The following RABGAP1 variants were observed in gnomAD, a reference collection of about 807,000 sequenced individuals.
RABGAP1 encodes rab GTPase-activating protein 1.
Under a neutral mutation model 137.6 loss-of-function variants are expected in RABGAP1, and 23 were observed. The ratio of observed to expected loss-of-function variants is 0.17; its 90% CI spans 0.12 to 0.24. The LOEUF (loss-of-function observed/expected upper bound fraction) is 0.24, where lower values mean the gene tolerates loss of function less well. RABGAP1 is among the 10% of genes least tolerant of loss of function. The pLI is 1.00. For synonymous variants in RABGAP1, 451 were observed against 450.7 expected, an observed-to-expected ratio of 1.00 and a Z score of -0.01; for missense variants, 906 against 1,275.8, an observed-to-expected ratio of 0.71 and a Z score of 4.42.
chr9:122,947,937 G>T (rs965046526), intron 1 of RABGAP1, among the ~76,000 whole-genome samples: 2 of 152,076 alleles, frequency 1.3e-5, no homozygotes, highest in African/African-American at 4.8e-5. Context: ...AAGAAGGGAT[G>T]GTGTTCCATT....
At chr9:122,988,849 A>AG (rs771425242) in intron 4 of RABGAP1, among the ~76,000 whole-genome samples, 73 of 151,902 alleles carry the variant, frequency 4.8e-4, no homozygotes, top group Admixed American at 7.9e-4. Context: ...AGGCTGAGGC[A>AG]GGAGAATCAC....
intron 1 of RABGAP1, 43 bp from the exon 2 acceptor site, chr9:122,956,968 G>A (rs752069328): frequency 2.7e-5 from 28 of 1,023,144 alleles, no homozygotes; most frequent in Non-Finnish European, 3.5e-5. Context: ...TGAATATCTG[G>A]CAGACATTCT....
chr9:122,992,032 T>C (rs1196364516), intron 6 of RABGAP1, among the ~76,000 whole-genome samples: 2 of 152,058 alleles, frequency 1.3e-5, no homozygotes, highest in Non-Finnish European at 2.9e-5. Context: ...TTAAACTAAA[T>C]ATATTTTCTT....
intron 19 of RABGAP1, among the ~76,000 whole-genome samples, chr9:123,087,918 T>TA (rs762098373): frequency 2.0e-5 from 3 of 151,916 alleles, no homozygotes; most frequent in Non-Finnish European, 2.9e-5. Context: ...ATAAGAAAGT[T>TA]AGAGTGGAGT....
At chr9:123,087,210 T>C (rs1159080872) in intron 19 of RABGAP1, among the ~76,000 whole-genome samples, 2 of 152,330 alleles carry the variant, frequency 1.3e-5, no homozygotes, top group East Asian at 3.9e-4. Flanking sequence ...ATAGAAGACA[T>C]TGTTTTGTAA....
intron 17 of RABGAP1, 96 bp from the exon 18 acceptor site, chr9:123,076,149 T>C (rs988584772): frequency 9.2e-5 from 120 of 1,300,980 alleles, no homozygotes; most frequent in Non-Finnish European, 1.2e-4. Context: ...TCCTTAAGTT[T>C]TCACAATTTC....
intron 6 of RABGAP1, among the ~76,000 whole-genome samples, chr9:122,994,915 G>A (rs1262326742): frequency 2.0e-5 from 3 of 152,012 alleles, no homozygotes; most frequent in Non-Finnish European, 4.4e-5. Context: ...CCATGAGTTC[G>A]AGACCAGCCT....
At chr9:123,040,858 A>T (rs2032917659) in intron 13 of RABGAP1, among the ~76,000 whole-genome samples, 1 of 152,134 alleles carries the variant, frequency 6.6e-6, no homozygotes, top group Non-Finnish European at 1.5e-5. Flanking sequence ...GGAGAGGCAG[A>T]TGAGTTGGAA....
chr9:123,036,219 C>G (rs879320306), intron 13 of RABGAP1, among the ~76,000 whole-genome samples: 1 of 152,162 alleles, frequency 6.6e-6, no homozygotes, highest in Non-Finnish European at 1.5e-5. Context: ...AACACATAAA[C>G]ATTAATTTTA....
chr9:122,942,882 A>G (rs1383673549), intron 1 of RABGAP1, among the ~76,000 whole-genome samples: 1 of 152,048 alleles, frequency 6.6e-6, no homozygotes, highest in Non-Finnish European at 1.5e-5. Context: ...GAGGTGATTC[A>G]TGCTTGTAAT....
intron 2 of RABGAP1, among the ~76,000 whole-genome samples, chr9:122,984,178 C>G (rs1836241374): frequency 6.6e-6 from 1 of 152,130 alleles, no homozygotes. Flanking sequence ...AATTATAGAT[C>G]CTTTAATTAT....
intron 23 of RABGAP1, 119 bp downstream of exon 23, chr9:123,098,917 C>G: frequency 1.6e-6 from 1 of 621,942 alleles, no homozygotes; most frequent in South Asian, 1.9e-5. Context: ...CAGATCCTGG[C>G]TCTGCCCCTG....
chr9:123,075,970 T>TA (rs1036769169), intron 17 of RABGAP1, among the ~76,000 whole-genome samples: 6 of 152,216 alleles, frequency 3.9e-5, no homozygotes, highest in Non-Finnish European at 8.8e-5. Context: ...ACTGATCTTT[T>TA]GGTTTGGAAG....
At chr9:123,001,894 A>C (rs1308205218) in intron 10 of RABGAP1, among the ~76,000 whole-genome samples, 2 of 152,230 alleles carry the variant, frequency 1.3e-5, no homozygotes, top group Non-Finnish European at 2.9e-5. Context: ...ATAAAAAAGC[A>C]CTAAGTCATG....
At chr9:122,965,704 T>C (rs565611029) in intron 2 of RABGAP1, among the ~76,000 whole-genome samples, 2 of 152,346 alleles carry the variant, frequency 1.3e-5, no homozygotes, top group African/African-American at 4.8e-5. Context: ...TTTGAGGTAA[T>C]GAATTTGTTT....
At chr9:122,942,423 G>C (rs1344457437) in intron 1 of RABGAP1, among the ~76,000 whole-genome samples, 5 of 152,144 alleles carry the variant, frequency 3.3e-5, no homozygotes, top group African/African-American at 9.7e-5. Flanking sequence ...CTGTGATCCA[G>C]CATTTTAGGA....
intron 1 of RABGAP1, among the ~76,000 whole-genome samples, chr9:122,944,779 G>A (rs1833846320): frequency 6.6e-6 from 1 of 151,162 alleles, no homozygotes; most frequent in African/African-American, 2.4e-5. Flanking sequence ...TTTTCACTAT[G>A]TTGGCCAGGC....
chr9:122,995,989 G>C, intron 6 of RABGAP1, 52 bp from the exon 7 acceptor site: 2 of 1,544,902 alleles, frequency 1.3e-6, no homozygotes, highest in Non-Finnish European at 1.7e-6. Flanking sequence ...AATGGTTCTA[G>C]TATGTGACAA....
chr9:123,035,615 G>C, intron 13 of RABGAP1: 1 of 1,564,700 alleles, frequency 6.4e-7, no homozygotes. Context: ...TGTCATATCT[G>C]AAGTGGCTCA....
Sources: allele counts gnomAD v4.1 joint callset (sites outside exome capture counted in the v4.1 genomes callset), GRCh38; gene constraint gnomAD v4.1.1; transcripts MANE v1.5; gene names NCBI Gene and HGNC (gene_info 2026-07-23, HGNC 2026-07-21).